The following STARD13 variants were observed in gnomAD, a reference collection of about 807,000 sequenced individuals.
The protein encoded by STARD13 is stAR-related lipid transfer protein 13.
Under a neutral mutation model 106.4 loss-of-function variants are expected in STARD13, and 62 were observed. That is an observed-to-expected ratio of 0.58 (90% CI 0.48 to 0.72). The LOEUF is 0.72. Ranked by LOEUF, STARD13 falls within the 30% of genes least tolerant of loss-of-function variation. STARD13 has a pLI of 0.00. For synonymous variants in STARD13, 565 were observed against 553.0 expected (o/e 1.02, Z -0.31); for missense variants, 1,387 against 1,424.0 (o/e 0.97, Z 0.42).
chr13:33,613,452 G>T, the STARD13 span, among the ~76,000 whole-genome samples: 3 of 152,222 alleles, frequency 2.0e-5, no homozygotes, highest in Non-Finnish European at 2.9e-5. Context: ...TTTCCCTGAG[G>T]GTGCAGTAAG....
intron 1 of STARD13, among the ~76,000 whole-genome samples, chr13:33,201,984 T>C (rs751169543): frequency 6.9e-6 from 1 of 145,524 alleles, no homozygotes; most frequent in Non-Finnish European, 1.5e-5. Flanking sequence ...AATAATATCA[T>C]GCTGAACATC....
At chr13:33,222,776 C>T (rs1197611977) in intron 1 of STARD13, among the ~76,000 whole-genome samples, 1 of 152,236 alleles carries the variant, frequency 6.6e-6, no homozygotes, top group Non-Finnish European at 1.5e-5. Context: ...CCTAAAGATT[C>T]TCAGCCATTT....
chr13:33,517,203 C>T, the STARD13 span, among the ~76,000 whole-genome samples: 1 of 151,984 alleles, frequency 6.6e-6, no homozygotes, highest in Non-Finnish European at 1.5e-5. Flanking sequence ...TTCCCCCCAC[C>T]CTATTCAAGC....
chr13:33,523,005 T>C, the STARD13 span, among the ~76,000 whole-genome samples: 1 of 152,154 alleles, frequency 6.6e-6, no homozygotes, highest in Non-Finnish European at 1.5e-5. Context: ...TTAACAATGT[T>C]ATTTTATTAT....
chr13:33,543,466 A>C, the STARD13 span, among the ~76,000 whole-genome samples: 1 of 152,158 alleles, frequency 6.6e-6, no homozygotes, highest in African/African-American at 2.4e-5. Flanking sequence ...TAAAATCAAC[A>C]CATTTTCCTT....
the STARD13 span, among the ~76,000 whole-genome samples, chr13:33,566,730 T>G: frequency 2.7e-5 from 4 of 147,724 alleles, 1 homozygote; most frequent in South Asian, 8.7e-4. Flanking sequence ...AGATTCCCAG[T>G]CGCAAGTCTT....
chr13:33,166,368 T>C (rs1260760520), intron 2 of STARD13, among the ~76,000 whole-genome samples: 19 of 151,784 alleles, frequency 1.3e-4, no homozygotes, highest in Admixed American at 1.2e-3. Flanking sequence ...CTTCCTAGGG[T>C]CTGGTTTGAG....
At chr13:33,284,986 C>T (rs779614034) in intron 1 of STARD13, among the ~76,000 whole-genome samples, 6 of 152,106 alleles carry the variant, frequency 3.9e-5, no homozygotes, top group Admixed American at 6.5e-5. Context: ...GAAGAGAATG[C>T]GATTCTAGTG....
chr13:33,627,466 G>A, the STARD13 span, among the ~76,000 whole-genome samples: 4 of 152,010 alleles, frequency 2.6e-5, no homozygotes, highest in South Asian at 2.1e-4. Context: ...GTGAAACCCC[G>A]TCTCTACTAA....
chr13:33,387,376 G>T, the STARD13 span, among the ~76,000 whole-genome samples: 29 of 152,190 alleles, frequency 1.9e-4, no homozygotes, highest in Middle Eastern at 6.8e-3. Context: ...CTTTATCATG[G>T]GGTTATAATG....
At chr13:33,425,164 G>A in the STARD13 span, among the ~76,000 whole-genome samples, 38 of 152,314 alleles carry the variant, frequency 2.5e-4, no homozygotes, top group South Asian at 8.3e-4. Context: ...GTGTATATGC[G>A]TTTATTTCAT....
At chr13:33,594,895 T>C in the STARD13 span, among the ~76,000 whole-genome samples, 11 of 152,334 alleles carry the variant, frequency 7.2e-5, no homozygotes, top group Admixed American at 2.6e-4. Flanking sequence ...ACTGCATTTC[T>C]TTATGTGTGT....
rs866154644 is a variant in STARD13 at position 33,106,329 on chromosome 13, G to A, written c.3224+429C>T. 2.1e-4 allele frequency among the ~76,000 whole-genome samples: 32 copies of A among 152,334 alleles called. 1 individual carries two copies. In the Middle Eastern group the frequency reaches 0.02, roughly 97 times the overall value. On this transcript the variant is annotated intron_variant, in intron 13 of 13. Transcript: ENST00000336934. ...CCAGCTACTGGGGAGGCTGAGGAGG[G>A]AGGATCACCTGAGCCCAGGAGGTGG...
chr13:33,285,324 A>C, intron 1 of STARD13, 146 bp downstream of exon 1: 1 of 873,724 alleles, frequency 1.1e-6, no homozygotes. Flanking sequence ...TGCAGCCTAA[A>C]GTTATTTTTC....
chr13:33,541,289 T>G, the STARD13 span, among the ~76,000 whole-genome samples: 1 of 152,224 alleles, frequency 6.6e-6, no homozygotes, highest in Non-Finnish European at 1.5e-5. Context: ...TATTTTGCAA[T>G]CTTCCAGATC....
At chr13:33,640,096 A>G in the STARD13 span, among the ~76,000 whole-genome samples, 7 of 152,276 alleles carry the variant, frequency 4.6e-5, no homozygotes, top group South Asian at 1.2e-3. Flanking sequence ...TCATAGAGAA[A>G]GATATTCTCC....
At chr13:33,290,885 G>A (rs1892266916) in intron 1 of STARD13, among the ~76,000 whole-genome samples, 1 of 152,194 alleles carries the variant, frequency 6.6e-6, no homozygotes, top group Non-Finnish European at 1.5e-5. Context: ...ATGAGACTCA[G>A]TTAAAACCTA....
upstream of STARD13, among the ~76,000 whole-genome samples, chr13:33,287,065 T>C (rs1892094863): frequency 6.6e-6 from 1 of 152,192 alleles, no homozygotes; most frequent in African/African-American, 2.4e-5. Context: ...AGTTCTTTGA[T>C]ACAAAAAGTA....
At chr13:33,363,587 A>G in the STARD13 span, among the ~76,000 whole-genome samples, 1 of 152,228 alleles carries the variant, frequency 6.6e-6, no homozygotes, top group African/African-American at 2.4e-5. Flanking sequence ...TCAGATACTC[A>G]TAGAAGAAAT....
Sources: gnomAD v4.1 joint callset for allele counts (sites outside exome capture counted in the v4.1 genomes callset) on GRCh38, gnomAD v4.1.1 for gene constraint, MANE v1.5 for transcripts, NCBI Gene and HGNC (gene_info 2026-07-23, HGNC 2026-07-21) for gene names.